DYNC2H1: variants seen among roughly 807,000 people sequenced by gnomAD.
DYNC2H1 encodes cytoplasmic dynein 2 heavy chain 1.
In DYNC2H1, 410 loss-of-function variants were observed where a neutral mutation model predicts 570.0. That is an observed-to-expected ratio of 0.72 (90% CI 0.66 to 0.78). DYNC2H1 has a LOEUF of 0.78. Ranked by LOEUF, DYNC2H1 falls within the 30% of genes least tolerant of loss-of-function variation. DYNC2H1 has a pLI of 0.00. For missense variants in DYNC2H1, 4,865 were observed against 5,046.4 expected, an observed-to-expected ratio of 0.96 and a Z score of 1.09; for synonymous variants, 1,688 against 1,677.6, an observed-to-expected ratio of 1.01 and a Z score of -0.15.
intron 57 of DYNC2H1, among the ~76,000 whole-genome samples, 200 bp downstream of exon 57, chr11:103,220,983 A>G (rs1470789885): frequency 1.3e-5 from 2 of 152,158 alleles, no homozygotes; most frequent in African/African-American, 4.8e-5. Context: ...GTGATTGTTA[A>G]AAGTGTCAAA....
intron 82 of DYNC2H1, among the ~76,000 whole-genome samples, chr11:103,331,821 G>A (rs2135462150): frequency 6.6e-6 from 1 of 152,280 alleles, no homozygotes; most frequent in South Asian, 2.1e-4. Context: ...CAGCACTTTG[G>A]GAGGCTGAGG....
Position 103,145,521 on chromosome 11 carries a change from TATAG to T in DYNC2H1, c.2702+2131_2702+2134del, listed in dbSNP as rs1174916558. Among the ~76,000 whole-genome samples the T allele has an allele frequency of 6.6e-6, 1 of 152,078 alleles. No individual in the cohort carries two copies. Among genetic ancestry groups the T allele is most frequent in the Non-Finnish European group, 1.5e-5 (1 of 68,006 alleles). Reference sequence around the variant, plus strand: ...CCTCTACTATTTTTTTGTCCCTTACTATAGATAGCTTTCCTATTTATGATCCTTG... The same window carrying T: ...CCTCTACTATTTTTTTGTCCCTTACTATAGCTTTCCTATTTATGATCCTTG... On this transcript the variant is annotated intron_variant, in intron 18 of 88. Transcript: ENST00000375735. This position sits in a 1 kb window ranked among gnomAD's most constrained non-coding sequence, Gnocchi z 4.2.
intron 70 of DYNC2H1, among the ~76,000 whole-genome samples, chr11:103,273,899 C>T (rs1160113765): frequency 6.6e-6 from 1 of 152,112 alleles, no homozygotes; most frequent in African/African-American, 2.4e-5. Context: ...CACCATTACC[C>T]ACTTATTGTC....
chr11:103,300,063 T>C (rs555461696), intron 75 of DYNC2H1, among the ~76,000 whole-genome samples: 1 of 152,168 alleles, frequency 6.6e-6, no homozygotes, highest in South Asian at 2.1e-4. Flanking sequence ...TTATCAGCTC[T>C]TTGTTATGGA....
At chr11:103,332,557 C>T (rs1161916457) in intron 82 of DYNC2H1, among the ~76,000 whole-genome samples, 3 of 152,144 alleles carry the variant, frequency 2.0e-5, no homozygotes, top group African/African-American at 7.2e-5. Flanking sequence ...GGGAAACACA[C>T]ACCACATACA....
At chr11:103,450,124 T>C (rs1247291737) in intron 85 of DYNC2H1, among the ~76,000 whole-genome samples, 2 of 152,178 alleles carry the variant, frequency 1.3e-5, no homozygotes, top group African/African-American at 4.8e-5. Context: ...GATTATTTTA[T>C]AATGATACAG....
chr11:103,399,769 A>G lies in DYNC2H1; in HGVS notation c.12263A>G (p.Gln4088Arg), dbSNP rs1206263247. Reference sequence around the variant, plus strand: ...CAATTTAATGCTATTCGTTTAGTACAAAGTGTCCACCAGTCTCTTGCTGCT... The same window carrying G: ...CAATTTAATGCTATTCGTTTAGTACGAAGTGTCCACCAGTCTCTTGCTGCT... The part of the protein sequence containing the change: ...LEQFNAIRLV[Q>R]SVHQSLAALS... The change falls in exon 84 of 89, where the codon CAA becomes CGA. Residue 4088 changes from glutamine (Q) to arginine (R), a missense_variant. Physicochemically the swap from Gln to Arg is conservative, Grantham distance 43 (BLOSUM62 1). This residue lies in a region of DYNC2H1 where 2,401 missense variants were observed against 2,454.6 expected (regional missense o/e 0.98). Transcript: ENST00000375735. The G allele has an allele frequency of 2.5e-6, 4 of 1,613,856 alleles. No individual in the cohort carries two copies. Among genetic ancestry groups the G allele is most frequent in the East Asian group, 2.2e-5 (1 of 44,868 alleles).
chr11:103,393,336 A>G (rs1394643816), intron 83 of DYNC2H1, among the ~76,000 whole-genome samples: 1 of 152,180 alleles, frequency 6.6e-6, no homozygotes, highest in African/African-American at 2.4e-5. Context: ...CTATTATTCT[A>G]CTAGTTTGCC....
chr11:103,367,691 A>G (rs1170186601), intron 83 of DYNC2H1, among the ~76,000 whole-genome samples: 1 of 152,138 alleles, frequency 6.6e-6, no homozygotes, highest in Non-Finnish European at 1.5e-5. Context: ...GCTGGGCAAT[A>G]GAACACCAAA....
At chr11:103,430,561 A>G (rs548119137) in intron 84 of DYNC2H1, among the ~76,000 whole-genome samples, 5 of 152,240 alleles carry the variant, frequency 3.3e-5, no homozygotes, top group African/African-American at 7.2e-5. Flanking sequence ...CTTAAAAAAA[A>G]TCCAAATTGT....
At chr11:103,192,302 C>A in intron 47 of DYNC2H1, 38 bp downstream of exon 47, 1 of 1,381,754 alleles carries the variant, frequency 7.2e-7, no homozygotes, top group Non-Finnish European at 9.5e-7. Context: ...ATAACTATTA[C>A]AAGGATTTCA....
At chr11:103,434,566 G>A (rs761343246) in intron 84 of DYNC2H1, among the ~76,000 whole-genome samples, 88 of 152,082 alleles carry the variant, frequency 5.8e-4, no homozygotes, top group Admixed American at 2.2e-3. Context: ...AATGCCATAT[G>A]ATTGAGGATT....
rs778529441 is a variant in DYNC2H1, at chr11:103,307,831, G to C, written c.11493G>C (p.Glu3831Asp). 6.4e-7 allele frequency: 1 copy of C among 1,559,578 alleles called. No homozygotes were observed. The highest frequency in any genetic ancestry group is 8.8e-7 in the Non-Finnish European group (1 of 1,142,500). The stretch of plus-strand genomic sequence containing the variant: ...AGTCAAGTCTGAAGATAACATATGA[G>C]GTAAGAAGATTTAAAACTTGGATCA... ...LLQSSLKITY[E>D]SPPGLKKNLM... The change falls in exon 78 of 89, where the codon GAG becomes GAC. Residue 3831 changes from glutamate to aspartate, a missense_variant and splice_region_variant. This residue lies in a region of DYNC2H1 where 2,401 missense variants were observed against 2,454.6 expected (regional missense o/e 0.98). Coordinates refer to ENST00000375735, the MANE Select transcript of DYNC2H1 (RefSeq NM_001377.3).
chr11:103,139,852 G>A (rs1461310104), intron 17 of DYNC2H1, among the ~76,000 whole-genome samples: 2 of 152,134 alleles, frequency 1.3e-5, no homozygotes, highest in African/African-American at 4.8e-5. Context: ...GGGAGTCTAA[G>A]TCTCTTTGTA....
chr11:103,148,383 A>G (rs962958800), intron 19 of DYNC2H1, 107 bp from the exon 20 acceptor site: 123 of 1,122,590 alleles, frequency 1.1e-4, no homozygotes, highest in Non-Finnish European at 1.4e-4. Context: ...AACTTATTGT[A>G]TTCCATGTAC....
chr11:103,199,117 C>CT lies in DYNC2H1; in HGVS notation c.7840-104dup. On this transcript the variant is annotated intron_variant, in intron 48 of 88. Coordinates refer to ENST00000375735, the MANE Select transcript of DYNC2H1 (RefSeq NM_001377.3). The surrounding 1 kb of genome is among the most constrained non-coding windows in gnomAD (Gnocchi z 4.6). ...TGTGAGATGATATGTAGTCACTTTA[C>CT]TTTTTTTCTTGAATGTATCAAAAAT... is the stretch of plus-strand genomic sequence containing the variant. 2.7e-6 allele frequency: 2 copies of CT among 728,474 alleles called. No individual in the cohort carries two copies. Among genetic ancestry groups the CT allele is most frequent in the Non-Finnish European group, 4.0e-6 (2 of 496,852 alleles). The allele number at this position is 728,474 out of a possible 1,614,324, so 45.1% of individuals were successfully genotyped here.
At position 103,170,261 on chromosome 11, in the gene DYNC2H1, A is replaced by C. The variant is rs747956112; in HGVS notation, c.5122A>C (p.Arg1708=). The change falls in exon 33 of 89, where the codon AGA becomes CGA. Residue 1708 remains arginine, a synonymous_variant. Transcript: ENST00000375735. The surrounding 1 kb of genome is among the most constrained non-coding windows in gnomAD (Gnocchi z 4.8). ...SVKALGGLLG[R]QVLVFNCDEG... is the part of the protein sequence containing the mutation. ...AAAGGCTTTAGGTGGACTTCTTGGA[A>C]GACAAGTTTTAGTCTTTAATTGTGA... 1.9e-6 allele frequency: 3 copies of C among 1,604,262 alleles called. No homozygotes were observed. The South Asian group carries it at 3.4e-5, about 18-fold the overall frequency.
At chr11:103,421,504 G>A (rs368596291) in intron 84 of DYNC2H1, among the ~76,000 whole-genome samples, 25 of 151,880 alleles carry the variant, frequency 1.6e-4, no homozygotes, top group East Asian at 1.5e-3. Context: ...CATAACAAAC[G>A]GTCTCTTAGA....
intron 83 of DYNC2H1, among the ~76,000 whole-genome samples, chr11:103,373,062 G>GCCC (rs1001871808): frequency 6.6e-6 from 1 of 152,076 alleles, no homozygotes; most frequent in East Asian, 1.9e-4. Flanking sequence ...CCATGCCTCA[G>GCCC]CCCCCCAAGT....
Sources: gnomAD v4.1 joint callset for allele counts (sites outside exome capture counted in the v4.1 genomes callset) on GRCh38, gnomAD v4.1.1 for gene constraint, gnomAD v4.1.1 regional missense constraint, Gnocchi (gnomAD v3.1) non-coding constraint, MANE v1.5 for transcripts, NCBI Gene and HGNC (gene_info 2026-07-23, HGNC 2026-07-21) for gene names.